The following TRIO variants were observed in gnomAD, a reference collection of about 807,000 sequenced individuals.
The protein encoded by TRIO is trio Rho guanine nucleotide exchange factor, also known as triple functional domain protein.
In TRIO, 58 loss-of-function variants were observed where a neutral mutation model predicts 351.9. The ratio of observed to expected loss-of-function variants is 0.16; its 90% CI spans 0.13 to 0.21. TRIO has a LOEUF of 0.21. TRIO is among the 10% of genes least tolerant of loss of function. TRIO has a pLI of 1.00. For missense variants in TRIO, 3,201 were observed against 4,027.8 expected (o/e 0.79, Z 5.56); for synonymous variants, 1,758 against 1,595.7 (o/e 1.10, Z -2.42).
chr5:14,448,827 G>T (rs141051505), intron 34 of TRIO, among the ~76,000 whole-genome samples: 297 of 152,256 alleles, frequency 2.0e-3, no homozygotes, highest in Middle Eastern at 6.8e-3. Flanking sequence ...TCAGGAATGA[G>T]TCCAAGTCCC....
intron 1 of TRIO, among the ~76,000 whole-genome samples, chr5:14,242,218 T>G (rs913125885): frequency 6.6e-6 from 1 of 152,230 alleles, no homozygotes; most frequent in African/African-American, 2.4e-5. Flanking sequence ...ACTACTGCAG[T>G]CTACTTCATG....
At chr5:14,151,339 A>G (rs1787813803) in intron 1 of TRIO, among the ~76,000 whole-genome samples, 1 of 151,434 alleles carries the variant, frequency 6.6e-6, no homozygotes, top group Non-Finnish European at 1.5e-5. Context: ...AATATTTTTA[A>G]ATGGGGTTTG....
At chr5:14,490,156 A>C (rs1280653400) in intron 48 of TRIO, among the ~76,000 whole-genome samples, 1 of 135,556 alleles carries the variant, frequency 7.4e-6, no homozygotes, top group African/African-American at 2.9e-5. Context: ...GCACGCACCT[A>C]TAGTCCCAGC....
chr5:14,297,725 T>C (rs1400059815), intron 7 of TRIO, among the ~76,000 whole-genome samples: 1 of 152,182 alleles, frequency 6.6e-6, no homozygotes, highest in Admixed American at 6.5e-5. Context: ...GGTTTAGTTT[T>C]CTCACAAACT....
intron 9 of TRIO, among the ~76,000 whole-genome samples, chr5:14,323,503 A>G (rs1740081276): frequency 8.2e-6 from 1 of 121,844 alleles, no homozygotes; most frequent in Non-Finnish European, 1.7e-5. Flanking sequence ...CATGAAGGAA[A>G]ACAGCCACTT....
intron 1 of TRIO, among the ~76,000 whole-genome samples, chr5:14,236,636 A>G (rs1338957390): frequency 3.9e-5 from 6 of 152,220 alleles, no homozygotes; most frequent in East Asian, 1.9e-4. Context: ...TAAATAACCA[A>G]TTACTCTTTT....
Position 14,431,973 on chromosome 5 carries a change from A to G in TRIO, c.5203+11952A>G, listed in dbSNP as rs116187875. On this transcript the variant is annotated intron_variant, in intron 34 of 56. Coordinates refer to ENST00000344204, the MANE Select transcript of TRIO (RefSeq NM_007118.4). ...CATTTTAATTTAATCACCTCCTTAA[A>G]AGACCTTGTTTCCAAATACAGTCAC... Among the ~76,000 whole-genome samples the G allele has an allele frequency of 5.8e-3, 888 of 152,308 alleles. 11 individuals are homozygous for G. The highest frequency in any genetic ancestry group is 0.02 in the African/African-American group (837 of 41,560).
At chr5:14,322,988 A>T (rs957250465) in intron 9 of TRIO, among the ~76,000 whole-genome samples, 16 of 152,128 alleles carry the variant, frequency 1.1e-4, no homozygotes, top group Non-Finnish European at 5.9e-5. Context: ...AGCACAGAGG[A>T]GGTGGGACTG....
chr5:14,260,124 C>T (rs1795258949), intron 1 of TRIO, among the ~76,000 whole-genome samples: 1 of 152,206 alleles, frequency 6.6e-6, no homozygotes, highest in Non-Finnish European at 1.5e-5. Flanking sequence ...CTTTGTGTTT[C>T]TAATCTCCAC....
intron 18 of TRIO, among the ~76,000 whole-genome samples, chr5:14,370,710 T>G (rs955067919): frequency 6.6e-6 from 1 of 152,204 alleles, no homozygotes; most frequent in African/African-American, 2.4e-5. Context: ...CATCACAGTT[T>G]CCACGGTCAT....
chr5:14,311,170 T>C (rs1039888501), intron 8 of TRIO, among the ~76,000 whole-genome samples: 1 of 152,184 alleles, frequency 6.6e-6, no homozygotes, highest in Admixed American at 6.5e-5. Context: ...GCAGCAAAAG[T>C]AGAGCCCAGG....
chr5:14,166,670 C>G (rs1420224467), intron 1 of TRIO, among the ~76,000 whole-genome samples: 4 of 152,144 alleles, frequency 2.6e-5, no homozygotes, highest in African/African-American at 9.7e-5. Flanking sequence ...TTGCTGCATC[C>G]CCAAGTCCAG....
At chr5:14,451,030 T>C (rs1579691369) in intron 34 of TRIO, among the ~76,000 whole-genome samples, 1 of 152,204 alleles carries the variant, frequency 6.6e-6, no homozygotes, top group East Asian at 1.9e-4. Context: ...ACAAATAGAA[T>C]ATAGATTTAA....
At position 14,423,802 on chromosome 5, in the gene TRIO, C is replaced by T. The variant is rs140493177; in HGVS notation, c.5203+3781C>T. Among the ~76,000 whole-genome samples, 388 of 152,186 alleles carry T rather than the reference C, an allele frequency of 2.5e-3. 1 individual carries two copies. The highest frequency in any genetic ancestry group is 8.7e-3 in the African/African-American group (360 of 41,528). On this transcript the variant is annotated intron_variant, in intron 34 of 56. Transcript: ENST00000344204. ...ATACCCTGTCCTGGGGAGGGCCTTC[C>T]GTCACCCTCCCCACTCAGGACATCT...
chr5:14,146,453 T>C (rs945248861), intron 1 of TRIO, among the ~76,000 whole-genome samples: 7 of 152,126 alleles, frequency 4.6e-5, no homozygotes, highest in African/African-American at 1.4e-4. Flanking sequence ...ATTTTCTTTC[T>C]TTTTTTTAAA....
intron 11 of TRIO, among the ~76,000 whole-genome samples, chr5:14,342,729 A>G (rs916316263): frequency 4.6e-5 from 7 of 152,186 alleles, no homozygotes; most frequent in Non-Finnish European, 1.0e-4. Flanking sequence ...GTCTGTCATT[A>G]TTCTCTAAAA....
Position 14,496,932 on chromosome 5 carries a change from A to C in TRIO, c.7934A>C (p.Lys2645Thr). 6.2e-7 allele frequency: 1 copy of C among 1,614,232 alleles called. No homozygotes were observed. The highest frequency in any genetic ancestry group is 8.5e-7 in the Non-Finnish European group (1 of 1,180,038). ...ALRLRKKSEK[K>T]DKDGKREGKL... Reference sequence around the variant, plus strand: ...CGTTTAAGGAAAAAATCTGAGAAAAAAGATAAAGACGGCAAAAGGGAAGGC... The same window carrying C: ...CGTTTAAGGAAAAAATCTGAGAAAACAGATAAAGACGGCAAAAGGGAAGGC... Residue 2645 changes from lysine to threonine, a missense_variant, in exon 50 of 57, where the codon AAA becomes ACA. Around this residue, in one of 19 missense-constraint regions of TRIO, gnomAD observed 1,089 missense variants for 954.9 expected, o/e 1.14. Transcript: ENST00000344204.
chr5:14,342,969 A>G (rs1286012203), intron 11 of TRIO, among the ~76,000 whole-genome samples: 1 of 152,136 alleles, frequency 6.6e-6, no homozygotes. Context: ...ATCAAAATCA[A>G]GCCATCTTAG....
chr5:14,499,776 G>A (rs1303434491), intron 53 of TRIO, among the ~76,000 whole-genome samples: 1 of 151,972 alleles, frequency 6.6e-6, no homozygotes, highest in East Asian at 1.9e-4. Flanking sequence ...ATTCAGCTGG[G>A]CGTAGTGGCT....
Sources: allele counts gnomAD v4.1 joint callset (sites outside exome capture counted in the v4.1 genomes callset), GRCh38; gene constraint gnomAD v4.1.1; regional missense constraint gnomAD v4.1.1; transcripts MANE v1.5; gene names NCBI Gene and HGNC (gene_info 2026-07-23, HGNC 2026-07-21).